PARVA: variants seen among roughly 807,000 people sequenced by gnomAD.
PARVA encodes parvin alpha.
A neutral mutation model predicts 52.6 loss-of-function variants in PARVA; 25 were observed. The observed-to-expected ratio is 0.48, with a 90% CI of 0.35 to 0.66. The LOEUF is 0.66. Ranked by LOEUF, PARVA falls within the 30% of genes least tolerant of loss-of-function variation. The pLI, the probability that PARVA is intolerant of heterozygous loss-of-function variation, is 0.01. For synonymous variants in PARVA, 185 were observed against 179.1 expected (o/e 1.03, Z -0.26); for missense variants, 373 against 450.9 (o/e 0.83, Z 1.56).
At chr11:12,458,833 G>T (rs1453728351) in intron 1 of PARVA, among the ~76,000 whole-genome samples, 1 of 152,214 alleles carries the variant, frequency 6.6e-6, no homozygotes, top group Non-Finnish European at 1.5e-5. Flanking sequence ...CAACTAGTGG[G>T]AAAGTCGCCT....
intron 1 of PARVA, among the ~76,000 whole-genome samples, chr11:12,468,121 A>AAGTT: frequency 6.6e-6 from 1 of 152,060 alleles, no homozygotes; most frequent in East Asian, 1.9e-4. Context: ...TCTCCATCCA[A>AAGTT]AGTTAGCCTT....
chr11:12,520,070 G>A (rs904038075), intron 12 of PARVA, among the ~76,000 whole-genome samples: 3 of 152,188 alleles, frequency 2.0e-5, no homozygotes, highest in Non-Finnish European at 4.4e-5. Context: ...TTAGAATTGG[G>A]ATATTTCTTT....
chr11:12,506,497 C>G lies in PARVA; in HGVS notation c.657+2068C>G, dbSNP rs568397789. On this transcript the variant is annotated intron_variant, in intron 6 of 12. Transcript: ENST00000334956. ...TAAAATCTGCCTGCTGGAATTACTA[C>G]AGACTGAATGATGACTGAAAATGTG... 1.1e-4 allele frequency among the ~76,000 whole-genome samples: 17 copies of G among 152,302 alleles called. 1 individual carries two copies. The South Asian group carries it at 3.5e-3, about 32-fold the overall frequency.
chr11:12,533,939 C>T lies in PARVA; in HGVS notation c.*6014C>T, dbSNP rs954622099. Among the ~76,000 whole-genome samples, 29 of 151,952 alleles carry T rather than the reference C, an allele frequency of 1.9e-4. No homozygotes were observed. Among genetic ancestry groups the T allele is most frequent in the African/African-American group, 6.5e-4 (27 of 41,362 alleles). Reference sequence around the variant, plus strand: ...ATCCCAGCACTTTGGGAGGCCGAGACGGACAGATCACAAGGTCAGGAGATT... The same window carrying T: ...ATCCCAGCACTTTGGGAGGCCGAGATGGACAGATCACAAGGTCAGGAGATT... On this transcript the variant is annotated 3_prime_UTR_variant, in exon 13 of 13. Transcript: ENST00000334956.
chr11:12,442,908 GC>G, intron 1 of PARVA, among the ~76,000 whole-genome samples: 2 of 149,068 alleles, frequency 1.3e-5, no homozygotes, highest in Middle Eastern at 3.6e-3. Flanking sequence ...TGTCCCCCAG[GC>G]TGGAGTGCAG....
Position 12,517,677 on chromosome 11 carries a change from G to C in PARVA, c.935G>C (p.Ser312Thr). The C allele has an allele frequency of 6.2e-7, 1 of 1,604,574 alleles. No individual in the cohort carries two copies. Among genetic ancestry groups the C allele is most frequent in the Non-Finnish European group, 8.5e-7 (1 of 1,175,322 alleles). ...LLEGYFVPLHSFFLTPDSFEQ... is the reference protein window; with the variant it reads ...LLEGYFVPLHTFFLTPDSFEQ... Reference sequence around the variant, plus strand: ...GAGGGCTACTTTGTGCCCCTGCACAGCTTCTTCCTGACCCCGGACAGCTTT... The same window carrying C: ...GAGGGCTACTTTGTGCCCCTGCACACCTTCTTCCTGACCCCGGACAGCTTT... Residue 312 changes from serine to threonine, a missense_variant, in exon 11 of 13, where the codon AGC becomes ACC. Transcript: ENST00000334956.
Position 12,507,488 on chromosome 11 carries a change from C to G in PARVA, c.658-1096C>G, listed in dbSNP as rs535212422. Among the ~76,000 whole-genome samples the G allele has an allele frequency of 3.3e-5, 5 of 152,310 alleles. No homozygotes were observed. The South Asian group carries it at 1.0e-3, about 32-fold the overall frequency. On this transcript the variant is annotated intron_variant, in intron 6 of 12. Coordinates refer to ENST00000334956, the MANE Select transcript of PARVA (RefSeq NM_018222.5). ...TCCAAACTGGCACTCAGAGCTGCCCCCTGACTGATGGCAGCTGCCCTCCCC... is the reference window on the plus strand; with the variant it reads ...TCCAAACTGGCACTCAGAGCTGCCCGCTGACTGATGGCAGCTGCCCTCCCC...
chr11:12,480,832 T>C (rs909831861), intron 4 of PARVA: 1 of 108,036 alleles, frequency 9.3e-6, no homozygotes, highest in African/African-American at 3.6e-5. Context: ...AAAAAAAAAA[T>C]GCATCAGGAG....
chr11:12,502,999 C>T lies in PARVA; in HGVS notation c.542-1315C>T, dbSNP rs1034511015. On this transcript the variant is annotated intron_variant, in intron 5 of 12. Transcript: ENST00000334956. ...GAATTCAGGCTCCAGTCTGCCTGAC[C>T]CTCTGTGCACCTCACTGAGTCTTTT... Among the ~76,000 whole-genome samples the T allele has an allele frequency of 3.9e-5, 6 of 152,032 alleles. 1 individual carries two copies. The highest frequency in any genetic ancestry group is 8.8e-5 in the Non-Finnish European group (6 of 68,004).
At chr11:12,479,941 A>T (rs1489949069) in intron 4 of PARVA, 2 of 152,168 alleles carry the variant, frequency 1.3e-5, no homozygotes, top group Non-Finnish European at 2.9e-5. Context: ...ATGTATATTG[A>T]GGCTGGGCGC....
intron 12 of PARVA, among the ~76,000 whole-genome samples, chr11:12,519,067 C>T (rs940041206): frequency 2.6e-5 from 4 of 152,224 alleles, no homozygotes; most frequent in Admixed American, 6.5e-5. Context: ...CACGTGCATT[C>T]GTGAGCAGAG....
At chr11:12,423,977 C>T (rs1940189818) in intron 1 of PARVA, among the ~76,000 whole-genome samples, 1 of 152,106 alleles carries the variant, frequency 6.6e-6, no homozygotes, top group Admixed American at 6.6e-5. Context: ...TTATCACATT[C>T]TAGAGTATTC....
chr11:12,516,871 C>T (rs1383928973), intron 10 of PARVA, among the ~76,000 whole-genome samples: 4 of 152,150 alleles, frequency 2.6e-5, no homozygotes, highest in South Asian at 2.1e-4. Context: ...TTGCCCAAGG[C>T]ATATAGCTAG....
rs188460668 is a variant in PARVA, at chr11:12,510,767, C to A, written c.717-747C>A. On this transcript the variant is annotated intron_variant, in intron 7 of 12. Transcript: ENST00000334956. ...TATCATGAGAATAGTATGGGAAAGA[C>A]CAGTCCCCATGATTCAATTACCTCC... Among the ~76,000 whole-genome samples the A allele has an allele frequency of 2.6e-5, 4 of 152,244 alleles. No individual in the cohort carries two copies. The East Asian group carries it at 7.7e-4, about 29-fold the overall frequency.
chr11:12,434,219 G>A (rs986644755), intron 1 of PARVA, among the ~76,000 whole-genome samples: 6 of 152,124 alleles, frequency 3.9e-5, no homozygotes, highest in Non-Finnish European at 8.8e-5. Flanking sequence ...GGCAGTGGGG[G>A]GCAAGGCCCA....
chr11:12,416,867 C>G (rs551568007), intron 1 of PARVA, among the ~76,000 whole-genome samples: 1 of 151,978 alleles, frequency 6.6e-6, no homozygotes, highest in Non-Finnish European at 1.5e-5. Flanking sequence ...CAAGGTGGGT[C>G]GTTAAGTCTA....
At chr11:12,503,163 G>A (rs1941384658) in intron 5 of PARVA, among the ~76,000 whole-genome samples, 1 of 152,160 alleles carries the variant, frequency 6.6e-6, no homozygotes, top group Admixed American at 6.5e-5. Flanking sequence ...GCTCCTTAAA[G>A]GGCATTGCCT....
At chr11:12,505,178 G>A (rs1941419038) in intron 6 of PARVA, among the ~76,000 whole-genome samples, 1 of 152,134 alleles carries the variant, frequency 6.6e-6, no homozygotes, top group Admixed American at 6.5e-5. Context: ...TTAGCAAAAG[G>A]TCATCCTTTT....
At chr11:12,391,424 C>T (rs963813363) in intron 1 of PARVA, among the ~76,000 whole-genome samples, 4 of 152,308 alleles carry the variant, frequency 2.6e-5, no homozygotes, top group Non-Finnish European at 2.9e-5. Context: ...TTTGGGCTCC[C>T]AGCTACCTAG....
Sources: gnomAD v4.1 joint callset for allele counts (sites outside exome capture counted in the v4.1 genomes callset) on GRCh38, gnomAD v4.1.1 for gene constraint, MANE v1.5 for transcripts, NCBI Gene and HGNC (gene_info 2026-07-23, HGNC 2026-07-21) for gene names.